Variants in QSOX2 observed in about 807,000 individuals in gnomAD.
The protein encoded by QSOX2 is sulfhydryl oxidase 2.
Under a neutral mutation model 61.7 loss-of-function variants are expected in QSOX2, and 46 were observed. That is an observed-to-expected ratio of 0.75 (90% CI 0.59 to 0.95). The LOEUF is 0.95. Ranked by LOEUF, QSOX2 falls within the 40% of genes least tolerant of loss-of-function variation. The pLI is 0.00. For synonymous variants in QSOX2, 383 were observed against 388.4 expected (o/e 0.99, Z 0.16); for missense variants, 879 against 918.9 (o/e 0.96, Z 0.56).
intron 8 of QSOX2, among the ~76,000 whole-genome samples, 179 bp from the exon 9 acceptor site, chr9:136,216,901 G>T (rs1831920957): frequency 6.6e-6 from 1 of 152,346 alleles, no homozygotes; most frequent in African/African-American, 2.4e-5. Context: ...GGGCCATGGG[G>T]TGGGCATCTA....
Position 136,215,170 on chromosome 9 carries a change from A to C in QSOX2, c.1344T>G (p.Asp448Glu). The change falls in exon 10 of 12, where the codon GAT becomes GAG. Residue 448 changes from aspartate (D) to glutamate (E), a missense_variant. Transcript: ENST00000358701. ...TLTVEASTHP[D>E]ALVGTGFEDD... is the part of the protein sequence containing the mutation. ...ACAGCTTACCTGTGCCAACCAGTGC[A>C]TCTGGGTGGGTCGAGGCTTCAACAG... 6.2e-7 allele frequency: 1 copy of C among 1,613,950 alleles called. No homozygotes were observed. The highest frequency in any genetic ancestry group is 8.5e-7 in the Non-Finnish European group (1 of 1,179,990).
At chr9:136,218,546 C>T in intron 8 of QSOX2, 133 bp downstream of exon 8, 1 of 1,098,600 alleles carries the variant, frequency 9.1e-7, no homozygotes, top group Non-Finnish European at 1.3e-6. Flanking sequence ...GGGGCGTGGG[C>T]CTGGGCGACA....
chr9:136,208,899 G>A lies in QSOX2; in HGVS notation c.1926C>T (p.His642=). The A allele has an allele frequency of 6.2e-7, 1 of 1,613,986 alleles. No homozygotes were observed. Among genetic ancestry groups the A allele is most frequent in the Non-Finnish European group, 8.5e-7 (1 of 1,180,026 alleles). The part of the protein sequence containing the change: ...KLQSLDGPGA[H]KEVGGAAPFL... The stretch of plus-strand genomic sequence containing the variant: ...AGGGTGCGGCCCCGCCCACCTCCTT[G>A]TGGGCCCCGGGCCCATCCAGACTCT... The change falls in exon 12 of 12, where the codon CAC becomes CAT. Residue 642 remains histidine (H), a synonymous_variant. Coordinates refer to ENST00000358701, the MANE Select transcript of QSOX2 (RefSeq NM_181701.4).
At chr9:136,210,046 T>C (rs1362709117) in intron 11 of QSOX2, 1 of 985,334 alleles carries the variant, frequency 1.0e-6, no homozygotes, top group African/African-American at 1.7e-5. Flanking sequence ...ACTTGAGACG[T>C]GCCTGAAATC....
chr9:136,214,432 C>T (rs529491069), intron 10 of QSOX2, among the ~76,000 whole-genome samples: 25 of 152,338 alleles, frequency 1.6e-4, no homozygotes, highest in African/African-American at 4.8e-4. Context: ...ATATCATCCT[C>T]GGATAGGCAC....
rs529005776 is a variant in QSOX2 at position 136,208,610 on chromosome 9, T to C, written c.*118A>G. ...TTTGAAGCCAAAAGGTGCCATCCGA[T>C]GTGAAACCAGGCCCGCATGTTTATA... On this transcript the variant is annotated 3_prime_UTR_variant, in exon 12 of 12. Coordinates refer to ENST00000358701, the MANE Select transcript of QSOX2 (RefSeq NM_181701.4). The C allele has an allele frequency of 8.1e-7, 1 of 1,239,170 alleles. No homozygotes were observed. The highest frequency in any genetic ancestry group is 1.1e-6 in the Non-Finnish European group (1 of 919,216). 76.8% of individuals were successfully genotyped at this position (1,239,170 alleles called of 1,614,324 possible).
chr9:136,211,937 C>T (rs917262331), intron 10 of QSOX2, among the ~76,000 whole-genome samples: 1 of 152,204 alleles, frequency 6.6e-6, no homozygotes, highest in Non-Finnish European at 1.5e-5. Context: ...GCAGCTGTCG[C>T]GTTTGAAAGC....
chr9:136,216,509 C>T, intron 9 of QSOX2, 91 bp downstream of exon 9: 2 of 1,542,392 alleles, frequency 1.3e-6, no homozygotes, highest in African/African-American at 1.4e-5. Flanking sequence ...GGAGCCCGGG[C>T]CCCGAGCAGG....
chr9:136,210,620 G>A (rs1831832977), intron 11 of QSOX2: 1 of 985,448 alleles, frequency 1.0e-6, no homozygotes, highest in Non-Finnish European at 1.2e-6. Flanking sequence ...CAGGCTCAGG[G>A]CAAAGAAAAA....
chr9:136,215,540 G>A (rs987876251), intron 9 of QSOX2, among the ~76,000 whole-genome samples: 1 of 152,184 alleles, frequency 6.6e-6, no homozygotes, highest in Non-Finnish European at 1.5e-5. Context: ...GCCAATCTCT[G>A]AAGAGACAGT....
At position 136,209,158 on chromosome 9, in the gene QSOX2, G is replaced by C. The variant is rs1479707035; in HGVS notation, c.1667C>G (p.Thr556Arg). The C allele has an allele frequency of 8.7e-6, 14 of 1,614,086 alleles. No homozygotes were observed. The highest frequency in any genetic ancestry group is 1.2e-5 in the Non-Finnish European group (14 of 1,180,042). The change falls in exon 12 of 12, where the codon ACA (threonine) becomes AGA (arginine). Residue 556 changes from threonine (T) to arginine (R), a missense_variant. By Grantham distance (71) the Thr-to-Arg change is moderately conservative. Transcript: ENST00000358701. This position sits in a 1 kb window ranked among gnomAD's most constrained non-coding sequence, Gnocchi z 5.6. ...LASWDEGHVLTFLKQHYGRDN... is the reference protein window; with the variant it reads ...LASWDEGHVLRFLKQHYGRDN... ...GCGGCCATAGTGCTGCTTCAAGAAT[G>C]TGAGCACGTGGCCTTCATCCCAGCT...
chr9:136,212,338 T>C (rs1831856522), intron 10 of QSOX2, among the ~76,000 whole-genome samples: 1 of 152,124 alleles, frequency 6.6e-6, no homozygotes, highest in Admixed American at 6.5e-5. Context: ...ATGTCAGCAT[T>C]AAAAAAAGAC....
chr9:136,215,247 A>G lies in QSOX2; in HGVS notation c.1267T>C (p.Ser423Pro), dbSNP rs1588633293. Residue 423 changes from serine (S) to proline (P), a missense_variant, in exon 10 of 12, where the codon TCT (serine) becomes CCT (proline). Physicochemically the swap from Ser to Pro is moderately conservative, Grantham distance 74. Coordinates refer to ENST00000358701, the MANE Select transcript of QSOX2 (RefSeq NM_181701.4). ...GAACACGGGTAACCCCTCAACTCAG[A>G]TCGGCTTCCTTGACATCCAACCCAC... ...IKWVGCQGSRSELRGYPCSLW... is the reference protein window; with the variant it reads ...IKWVGCQGSRPELRGYPCSLW... The G allele has an allele frequency of 1.2e-6, 2 of 1,614,104 alleles. No homozygotes were observed. Among genetic ancestry groups the G allele is most frequent in the East Asian group, 4.5e-5 (2 of 44,888 alleles).
chr9:136,233,911 C>A (rs142716164), intron 1 of QSOX2, among the ~76,000 whole-genome samples: 2 of 152,216 alleles, frequency 1.3e-5, no homozygotes, highest in Non-Finnish European at 2.9e-5. Context: ...ACACAGAAAC[C>A]GTTTAGAGAA....
At chr9:136,235,052 T>A (rs1365497890) in intron 1 of QSOX2, among the ~76,000 whole-genome samples, 1 of 152,182 alleles carries the variant, frequency 6.6e-6, no homozygotes, top group Non-Finnish European at 1.5e-5. Context: ...CAGCAGACCC[T>A]CCTTGCAGGT....
chr9:136,216,807 A>C, intron 8 of QSOX2, 85 bp from the exon 9 acceptor site: 1 of 1,530,950 alleles, frequency 6.5e-7, no homozygotes, highest in Non-Finnish European at 8.9e-7. Context: ...CTCCAAAGAG[A>C]AGCACTCCAT....
At chr9:136,215,402 A>C in intron 9 of QSOX2, 98 bp from the exon 10 acceptor site, 4 of 653,342 alleles carry the variant, frequency 6.1e-6, no homozygotes, top group African/African-American at 1.9e-5. Context: ...GGGGGTGGAT[A>C]ATGGGGGTGT....
chr9:136,245,452 T>A (rs1474220969), intron 1 of QSOX2, 24 bp downstream of exon 1: 1 of 1,554,662 alleles, frequency 6.4e-7, no homozygotes, highest in South Asian at 1.1e-5. Context: ...GGTCGGGGGG[T>A]CCCCGCGCGG....
chr9:136,242,108 G>A (rs1248333442), intron 1 of QSOX2, among the ~76,000 whole-genome samples: 1 of 152,262 alleles, frequency 6.6e-6, no homozygotes, highest in Non-Finnish European at 1.5e-5. Flanking sequence ...AGAAGTGACA[G>A]GCTTAAGCCA....
Sources: allele counts gnomAD v4.1 joint callset (sites outside exome capture counted in the v4.1 genomes callset), GRCh38; gene constraint gnomAD v4.1.1; non-coding constraint Gnocchi (gnomAD v3.1); transcripts MANE v1.5; gene names NCBI Gene and HGNC (gene_info 2026-07-23, HGNC 2026-07-21).